The following PIK3C2G variants were observed in gnomAD, a reference collection of about 807,000 sequenced individuals.
PIK3C2G encodes phosphatidylinositol 3-kinase C2 domain-containing subunit gamma.
A neutral mutation model predicts 181.1 loss-of-function variants in PIK3C2G; 168 were observed. The ratio of observed to expected loss-of-function variants is 0.93; its 90% CI spans 0.82 to 1.05. The LOEUF (loss-of-function observed/expected upper bound fraction) is 1.05. PIK3C2G is among the 50% of genes least tolerant of loss of function. PIK3C2G has a pLI of 0.00. For synonymous variants in PIK3C2G, 573 were observed against 592.2 expected (o/e 0.97, Z 0.47); for missense variants, 1,869 against 1,732.8 (o/e 1.08, Z -1.40).
intron 18 of PIK3C2G, among the ~76,000 whole-genome samples, chr12:18,447,484 G>T (rs532782163): frequency 7.6e-4 from 115 of 152,174 alleles, no homozygotes; most frequent in African/African-American, 2.6e-3. Context: ...TTGCCACCTG[G>T]CATATATCCT....
intron 29 of PIK3C2G, among the ~76,000 whole-genome samples, chr12:18,570,277 C>T (rs1283461522): frequency 6.6e-6 from 1 of 151,628 alleles, no homozygotes; most frequent in African/African-American, 2.4e-5. Context: ...GGCCTGATCT[C>T]GGCTCACCGC....
chr12:18,356,925 C>T (rs961744738), intron 11 of PIK3C2G, among the ~76,000 whole-genome samples: 3 of 151,980 alleles, frequency 2.0e-5, no homozygotes, highest in African/African-American at 7.2e-5. Context: ...AACAGGAAGA[C>T]ACGTCCTCAC....
intron 4 of PIK3C2G, among the ~76,000 whole-genome samples, chr12:18,292,868 C>G (rs972193253): frequency 6.6e-6 from 1 of 152,068 alleles, no homozygotes; most frequent in Non-Finnish European, 1.5e-5. Flanking sequence ...AGAGAACAAC[C>G]AACTGTGGAG....
Position 18,516,063 on chromosome 12 carries a change from T to C in PIK3C2G, c.3323+10602T>C, listed in dbSNP as rs551030634. ...TTGTCTGTGTACTCACTTTTACCAGTGATTTTAATACATTCAGGTGTTTTC... is the reference window on the plus strand; with the variant it reads ...TTGTCTGTGTACTCACTTTTACCAGCGATTTTAATACATTCAGGTGTTTTC... On this transcript the variant is annotated intron_variant, in intron 24 of 32. Coordinates refer to ENST00000538779, the MANE Select transcript of PIK3C2G (RefSeq NM_001288772.2). Among the ~76,000 whole-genome samples, 5 of 152,234 alleles carry C rather than the reference T, an allele frequency of 3.3e-5. No homozygotes were observed. The East Asian group carries it at 5.8e-4, about 18-fold the overall frequency.
intron 29 of PIK3C2G, among the ~76,000 whole-genome samples, chr12:18,583,993 AAAATAGACAGTTTTTT>A (rs1232951822): frequency 6.6e-6 from 1 of 152,048 alleles, no homozygotes; most frequent in Non-Finnish European, 1.5e-5. Flanking sequence ...GCTGACAGAT[AAAATAGACAGTTTTTT>A]AAATAGACAG....
intron 31 of PIK3C2G, among the ~76,000 whole-genome samples, chr12:18,615,900 C>T (rs1948590525): frequency 6.6e-6 from 1 of 151,988 alleles, no homozygotes; most frequent in Non-Finnish European, 1.5e-5. Flanking sequence ...TAGCTTAATA[C>T]CTTATAGTAC....
chr12:18,696,314 A>G, the PIK3C2G span: 1 of 540,488 alleles, frequency 1.9e-6, no homozygotes, highest in Non-Finnish European at 3.2e-6. Flanking sequence ...AATAAATTTA[A>G]AAAGCCACTA....
chr12:18,548,039 A>G (rs1398987287), intron 26 of PIK3C2G, among the ~76,000 whole-genome samples: 2 of 151,958 alleles, frequency 1.3e-5, no homozygotes, highest in Non-Finnish European at 2.9e-5. Flanking sequence ...ATCAGCAGGA[A>G]CTTACTCCTT....
At chr12:18,404,970 C>T (rs1321244672) in intron 16 of PIK3C2G, among the ~76,000 whole-genome samples, 2 of 151,980 alleles carry the variant, frequency 1.3e-5, no homozygotes, top group African/African-American at 4.8e-5. Context: ...GAAGTCTAAG[C>T]AGTAGGAACG....
chr12:18,621,221 GA>G (rs562548735), intron 31 of PIK3C2G, among the ~76,000 whole-genome samples: 21 of 151,146 alleles, frequency 1.4e-4, no homozygotes, highest in Non-Finnish European at 1.9e-4. Flanking sequence ...ACAAAAAACA[GA>G]AAAGAAAAAC....
chr12:18,337,383 G>A (rs556150817), intron 8 of PIK3C2G, among the ~76,000 whole-genome samples: 1 of 152,266 alleles, frequency 6.6e-6, no homozygotes, highest in South Asian at 2.1e-4. Context: ...AGGCCAGCCT[G>A]CGTTGTTGAT....
rs7972758 is a variant in PIK3C2G at position 18,488,930 on chromosome 12, G to C, written c.2685+301G>C. On this transcript the variant is annotated intron_variant, in intron 19 of 32. Transcript: ENST00000538779. ...CCTGATAAACTAATCGCGTCAATAT[G>C]GAGGCACAATTCAGACTCATGGAGA... Among the ~76,000 whole-genome samples the C allele has an allele frequency of 2.1e-3, 315 of 152,132 alleles. 1 individual carries two copies. Among genetic ancestry groups the C allele is most frequent in the African/African-American group, 7.3e-3 (303 of 41,514 alleles).
At chr12:18,370,431 G>A (rs538833056) in intron 12 of PIK3C2G, among the ~76,000 whole-genome samples, 1 of 152,252 alleles carries the variant, frequency 6.6e-6, no homozygotes, top group African/African-American at 2.4e-5. Context: ...TCCAGAGATT[G>A]TATATGTGTT....
intron 18 of PIK3C2G, among the ~76,000 whole-genome samples, chr12:18,471,605 AC>A (rs1167947772): frequency 6.6e-6 from 1 of 151,908 alleles, no homozygotes; most frequent in Non-Finnish European, 1.5e-5. Flanking sequence ...TCCAACACCT[AC>A]CCATCCATAT....
intron 18 of PIK3C2G, among the ~76,000 whole-genome samples, chr12:18,480,364 T>A (rs1046251955): frequency 6.6e-6 from 1 of 152,112 alleles, no homozygotes; most frequent in African/African-American, 2.4e-5. Flanking sequence ...AACAGGACAG[T>A]CCCTTCTCTT....
In PIK3C2G at chr12:18,426,449, A is replaced by C. The variant is rs1592230602; in HGVS notation, c.2504+2410A>C. On this transcript the variant is annotated intron_variant, in intron 18 of 32. Transcript: ENST00000538779. ...AACGATTTATCCTATTATCACCTAC[A>C]CTTGATTCTATTGAACATAATATTC... Among the ~76,000 whole-genome samples, 3 of 152,194 alleles carry C rather than the reference A, an allele frequency of 2.0e-5. 1 individual carries two copies. Among genetic ancestry groups the C allele is most frequent in the Admixed American group, 2.0e-4 (3 of 15,274 alleles).
At chr12:18,456,349 G>C (rs1321657145) in intron 18 of PIK3C2G, among the ~76,000 whole-genome samples, 2 of 151,794 alleles carry the variant, frequency 1.3e-5, no homozygotes, top group African/African-American at 4.8e-5. Flanking sequence ...TGGAGTTTAA[G>C]AGTGGAGGCT....
chr12:18,428,092 C>A (rs1303635751), intron 18 of PIK3C2G, among the ~76,000 whole-genome samples: 1 of 151,732 alleles, frequency 6.6e-6, no homozygotes, highest in Admixed American at 6.6e-5. Context: ...TTCAAAAGTG[C>A]CTACATCCCC....
chr12:18,282,241 T>A lies in PIK3C2G; in HGVS notation c.160T>A (p.Tyr54Asn), dbSNP rs1410295044. The change falls in exon 2 of 33, where the codon TAC becomes AAC. Residue 54 changes from tyrosine to asparagine, a missense_variant. Physicochemically the swap from Tyr to Asn is moderately radical, Grantham distance 143. Coordinates refer to ENST00000538779, the MANE Select transcript of PIK3C2G (RefSeq NM_001288772.2). ...VDEISGKIPHYESEIDENTFF... is the reference protein window; with the variant it reads ...VDEISGKIPHNESEIDENTFF... ...TGAGATCAGTGGCAAAATTCCACAC[T>A]ACGAGAGTGAAATTGATGAAAACAC... 4.3e-6 allele frequency: 7 copies of A among 1,613,578 alleles called. No homozygotes were observed. Among genetic ancestry groups the A allele is most frequent in the Non-Finnish European group, 5.9e-6 (7 of 1,179,752 alleles).
Sources: allele counts gnomAD v4.1 joint callset (sites outside exome capture counted in the v4.1 genomes callset), GRCh38; gene constraint gnomAD v4.1.1; transcripts MANE v1.5; gene names NCBI Gene and HGNC (gene_info 2026-07-23, HGNC 2026-07-21).